Variants in TEAD1 observed in about 807,000 individuals in gnomAD.
The protein encoded by TEAD1 is transcriptional enhancer factor TEF-1.
TEAD1 carries 9 observed loss-of-function variants against 54.9 expected under a neutral mutation model. That is an observed-to-expected ratio of 0.16 (90% CI 0.10 to 0.29). The LOEUF is 0.29. TEAD1 is among the 10% of genes least tolerant of loss of function. The pLI, the probability that TEAD1 is intolerant of heterozygous loss-of-function variation, is 1.00. For synonymous variants in TEAD1, 200 were observed against 187.8 expected (o/e 1.07, Z -0.53); for missense variants, 387 against 535.9 (o/e 0.72, Z 2.74).
chr11:12,798,543 C>G (rs548717848), intron 3 of TEAD1, among the ~76,000 whole-genome samples: 2 of 152,286 alleles, frequency 1.3e-5, no homozygotes, highest in South Asian at 4.1e-4. Context: ...TGCACCCAGT[C>G]GGAATTCAGT....
rs751005183 is a variant in TEAD1 at position 12,924,892 on chromosome 11, C to G, written c.874-20C>G. 6.2e-7 allele frequency: 1 copy of G among 1,614,084 alleles called. No homozygotes were observed. The highest frequency in any genetic ancestry group is 8.5e-7 in the Non-Finnish European group (1 of 1,179,962). ...CCTGGGATGAGAGAATAACCCACAC[C>G]TCCATTTCCTTTCCAACAGGCTGAT... On this transcript the variant is annotated intron_variant, in intron 10 of 12. Coordinates refer to ENST00000527636, the MANE Select transcript of TEAD1 (RefSeq NM_021961.6).
At chr11:12,779,896 C>G (rs1006781839) in intron 3 of TEAD1, among the ~76,000 whole-genome samples, 1 of 152,120 alleles carries the variant, frequency 6.6e-6, no homozygotes, top group Non-Finnish European at 1.5e-5. Context: ...AATCAGCAAA[C>G]TAGGATTAGA....
chr11:12,781,951 C>CAAAAAAAAA (rs71454001), intron 3 of TEAD1, among the ~76,000 whole-genome samples: 4 of 65,374 alleles, frequency 6.1e-5, no homozygotes, highest in African/African-American at 1.6e-4. Context: ...CTCGTCTGTA[C>CAAAAAAAAA]AAAAAAAAAA....
At chr11:12,691,067 GAGA>G (rs1271226608) in intron 2 of TEAD1, among the ~76,000 whole-genome samples, 1 of 152,184 alleles carries the variant, frequency 6.6e-6, no homozygotes, top group Non-Finnish European at 1.5e-5. Flanking sequence ...TCTTTTTATG[GAGA>G]AGGTTTCTCT....
chr11:12,730,512 G>A (rs1007378616), intron 2 of TEAD1, among the ~76,000 whole-genome samples: 1 of 140,094 alleles, frequency 7.1e-6, no homozygotes, highest in South Asian at 2.4e-4. Context: ...AAACTTGATT[G>A]AGAATTGAAC....
At chr11:12,793,065 A>AAAAAC (rs956473498) in intron 3 of TEAD1, among the ~76,000 whole-genome samples, 1 of 152,174 alleles carries the variant, frequency 6.6e-6, no homozygotes, top group African/African-American at 2.4e-5. Flanking sequence ...GTCTCTTTAA[A>AAAAAC]AAAACAAAAC....
chr11:12,891,787 GA>G (rs1589964703), intron 9 of TEAD1, among the ~76,000 whole-genome samples: 1 of 152,212 alleles, frequency 6.6e-6, no homozygotes, highest in African/African-American at 2.4e-5. Flanking sequence ...CACTATCTGG[GA>G]AAATGGGAAG....
chr11:12,812,598 TATTC>T (rs2133990396), intron 3 of TEAD1, among the ~76,000 whole-genome samples: 1 of 152,332 alleles, frequency 6.6e-6, no homozygotes, highest in East Asian at 1.9e-4. Context: ...ATATTACTGG[TATTC>T]ATCTTCTTCC....
intron 3 of TEAD1, among the ~76,000 whole-genome samples, chr11:12,860,573 C>A (rs1947479647): frequency 6.6e-6 from 1 of 152,206 alleles, no homozygotes; most frequent in South Asian, 2.1e-4. Flanking sequence ...GTTCTTTACT[C>A]TGCTAGGGAA....
chr11:12,864,926 T>C (rs1024600227), intron 5 of TEAD1, 26 bp downstream of exon 5: 63 of 1,613,674 alleles, frequency 3.9e-5, no homozygotes, highest in Non-Finnish European at 4.9e-5. Context: ...CTTTTTGGCT[T>C]GTGGTTGCTA....
rs113006945 is a variant in TEAD1 at position 12,839,301 on chromosome 11, C to T, written c.203-22949C>T. ...TAATGCACGCCTGTAGTCCCAGCTG[C>T]TCGGGAGGCTGAGACAGGAGAATTG... On this transcript the variant is annotated intron_variant, in intron 3 of 12. Coordinates refer to ENST00000527636, the MANE Select transcript of TEAD1 (RefSeq NM_021961.6). Among the ~76,000 whole-genome samples, 639 of 152,196 alleles carry T rather than the reference C, an allele frequency of 4.2e-3. 7 individuals are homozygous for T. The highest frequency in any genetic ancestry group is 0.014 in the African/African-American group (588 of 41,532).
chr11:12,846,387 G>A (rs922790175), intron 3 of TEAD1, among the ~76,000 whole-genome samples: 6 of 152,144 alleles, frequency 3.9e-5, no homozygotes, highest in African/African-American at 1.4e-4. Flanking sequence ...TGCTTAAGCG[G>A]TTGTTGACTT....
chr11:12,809,600 C>T (rs1564947462), intron 3 of TEAD1, among the ~76,000 whole-genome samples: 1 of 151,794 alleles, frequency 6.6e-6, no homozygotes. Context: ...TCAGCCAGGA[C>T]GTGGGGCCCA....
In TEAD1 at chr11:12,760,925, A is replaced by C. The variant is rs1037913543; in HGVS notation, c.-54-3254A>C. 2.0e-5 allele frequency among the ~76,000 whole-genome samples: 3 copies of C among 152,200 alleles called. No homozygotes were observed. The South Asian group carries it at 6.2e-4, about 31-fold the overall frequency. The stretch of plus-strand genomic sequence containing the variant: ...TGCCCATATGTAAAGTCTTCATCTT[A>C]TGATGGGGTTGTAAAACCAGAGGCC... On this transcript the variant is annotated intron_variant, in intron 2 of 12. Transcript: ENST00000527636.
chr11:12,884,146 A>C (rs536482437), intron 9 of TEAD1, among the ~76,000 whole-genome samples: 1 of 151,858 alleles, frequency 6.6e-6, no homozygotes, highest in South Asian at 2.1e-4. Context: ...CCCATCTTGT[A>C]CCCATCGTCC....
At chr11:12,880,042 G>T (rs1947935174) in intron 6 of TEAD1, among the ~76,000 whole-genome samples, 200 bp downstream of exon 6, 1 of 152,054 alleles carries the variant, frequency 6.6e-6, no homozygotes, top group Non-Finnish European at 1.5e-5. Context: ...AGAAAGGGAG[G>T]GGGAGGAGAA....
At chr11:12,926,061 A>AT (rs956789614) in intron 11 of TEAD1, among the ~76,000 whole-genome samples, 3 of 151,984 alleles carry the variant, frequency 2.0e-5, no homozygotes, top group African/African-American at 7.2e-5. Context: ...TAAAGGTTGT[A>AT]TTTTTTAGTG....
intron 2 of TEAD1, among the ~76,000 whole-genome samples, chr11:12,681,316 G>T (rs1943216726): frequency 2.0e-5 from 3 of 152,158 alleles, no homozygotes; most frequent in Admixed American, 6.5e-5. Flanking sequence ...AAATTTTGAT[G>T]AAAGGTTTCT....
intron 12 of TEAD1, 113 bp from the exon 13 acceptor site, chr11:12,936,996 A>G: frequency 2.7e-6 from 2 of 735,884 alleles, no homozygotes; most frequent in Non-Finnish European, 4.8e-6. Context: ...AGGCTGAGCA[A>G]ATCTCTCTTG....
Sources: gnomAD v4.1 joint callset for allele counts (sites outside exome capture counted in the v4.1 genomes callset) on GRCh38, gnomAD v4.1.1 for gene constraint, MANE v1.5 for transcripts, NCBI Gene and HGNC (gene_info 2026-07-23, HGNC 2026-07-21) for gene names.